CYRIB: variants seen among roughly 807,000 people sequenced by gnomAD.
The protein encoded by CYRIB is CYFIP-related Rac1 interactor B.
CYRIB carries 8 observed loss-of-function variants against 44.2 expected under a neutral mutation model. The ratio of observed to expected loss-of-function variants is 0.18; its 90% CI spans 0.11 to 0.33. The LOEUF is 0.33. Among genes scored for constraint, CYRIB ranks in the 10% least tolerant of loss-of-function variants. The pLI is 1.00. For missense variants in CYRIB, 185 were observed against 382.8 expected (o/e 0.48, Z 4.31); for synonymous variants, 131 against 127.2 (o/e 1.03, Z -0.20).
intron 1 of CYRIB, among the ~76,000 whole-genome samples, chr8:129,937,429 T>C (rs956210459): frequency 2.0e-5 from 3 of 152,246 alleles, no homozygotes; most frequent in Non-Finnish European, 4.4e-5. Flanking sequence ...TACTTCTCCA[T>C]CAATTGTTAT....
At chr8:129,878,715 C>T (rs2059952603) in intron 3 of CYRIB, among the ~76,000 whole-genome samples, 1 of 152,158 alleles carries the variant, frequency 6.6e-6, no homozygotes, top group South Asian at 2.1e-4. Flanking sequence ...ATGACACTTA[C>T]CTGCCACTCT....
intron 5 of CYRIB, among the ~76,000 whole-genome samples, chr8:129,858,887 G>A (rs551792510): frequency 6.6e-6 from 1 of 152,314 alleles, no homozygotes; most frequent in South Asian, 2.1e-4. Context: ...AGCAAGTACA[G>A]AACAAGCAAG....
At chr8:129,864,997 CT>C (rs1458355104) in intron 4 of CYRIB, 1 of 190,482 alleles carries the variant, frequency 5.2e-6, no homozygotes, top group Non-Finnish European at 1.1e-5. Flanking sequence ...TTCCACAAAA[CT>C]ATGTCTGGTT....
chr8:130,011,742 A>G (rs1307087063), intron 1 of CYRIB, among the ~76,000 whole-genome samples: 1 of 152,128 alleles, frequency 6.6e-6, no homozygotes, highest in African/African-American at 2.4e-5. Context: ...CTGAGGCAGA[A>G]GAATGGCATG....
intron 2 of CYRIB, among the ~76,000 whole-genome samples, chr8:129,961,275 G>C (rs2095247735): frequency 6.6e-6 from 1 of 152,086 alleles, no homozygotes; most frequent in South Asian, 2.1e-4. Flanking sequence ...TCATTCCATG[G>C]GTTCTGCTCT....
chr8:129,981,937 T>C (rs1196857205), intron 1 of CYRIB, among the ~76,000 whole-genome samples: 1 of 152,230 alleles, frequency 6.6e-6, no homozygotes, highest in African/African-American at 2.4e-5. Flanking sequence ...CCATCATCTA[T>C]TCATCTAGCT....
intron 2 of CYRIB, among the ~76,000 whole-genome samples, chr8:129,958,763 TAAAA>T (rs532997313): frequency 7.7e-6 from 1 of 130,020 alleles, no homozygotes; most frequent in African/African-American, 2.8e-5. Context: ...ACCACTGGTT[TAAAA>T]AAAAAAAAAA....
rs571127968 is a variant in CYRIB at position 129,887,451 on chromosome 8, AC to A, written c.-10-7981del. Among the ~76,000 whole-genome samples, 5 of 152,336 alleles carry A rather than the reference AC, an allele frequency of 3.3e-5. No homozygotes were observed. The South Asian group carries it at 8.3e-4, about 25-fold the overall frequency. ...GGCAGAGCCCTCATGGAGAACCTCT[AC>A]TAGGACAGTGCACTGGGGAAATGTA... On this transcript the variant is annotated intron_variant, in intron 2 of 11. Transcript: ENST00000519824.
At chr8:129,846,516 T>C (rs763872312) in intron 11 of CYRIB, among the ~76,000 whole-genome samples, 2 of 152,200 alleles carry the variant, frequency 1.3e-5, no homozygotes, top group Non-Finnish European at 2.9e-5. Context: ...ATACTTTTAT[T>C]ACAAAAACAA....
intron 1 of CYRIB, among the ~76,000 whole-genome samples, chr8:130,013,616 G>A (rs962129101): frequency 6.6e-6 from 1 of 152,196 alleles, no homozygotes; most frequent in African/African-American, 2.4e-5. Flanking sequence ...CACATGAATC[G>A]TGGTCTCTTC....
chr8:129,858,188 T>C (rs1192107299), intron 5 of CYRIB, among the ~76,000 whole-genome samples: 2 of 152,124 alleles, frequency 1.3e-5, no homozygotes, highest in African/African-American at 4.8e-5. Flanking sequence ...CCACAGAAAA[T>C]GTCCCAGAGG....
chr8:129,922,756 G>A (rs947526878), intron 1 of CYRIB, among the ~76,000 whole-genome samples: 2 of 151,864 alleles, frequency 1.3e-5, no homozygotes, highest in African/African-American at 4.8e-5. Flanking sequence ...CCAGCTACTC[G>A]GGAGGCTGAG....
At chr8:129,920,774 CT>C (rs2083146708) in intron 1 of CYRIB, among the ~76,000 whole-genome samples, 1 of 152,162 alleles carries the variant, frequency 6.6e-6, no homozygotes. Flanking sequence ...AGAAATTCCC[CT>C]ATCCCCTTTC....
chr8:129,946,491 G>C lies in CYRIB; in HGVS notation c.-243+24452C>G, dbSNP rs536333769. Among the ~76,000 whole-genome samples, 3 of 152,238 alleles carry C rather than the reference G, an allele frequency of 2.0e-5. No homozygotes were observed. In the East Asian group the frequency reaches 5.8e-4, roughly 29 times the overall value. On this transcript the variant is annotated intron_variant, in intron 2 of 14. Coordinates refer to the CYRIB transcript ENST00000401979. ...GATGAGGACTCCATGGATATTTAAC[G>C]AAGAAAGGGGAAGAGGACAGGGGAC...
At chr8:129,920,093 C>CAA (rs35451574) in intron 1 of CYRIB, among the ~76,000 whole-genome samples, 8 of 92,064 alleles carry the variant, frequency 8.7e-5, no homozygotes, top group African/African-American at 1.6e-4. Flanking sequence ...AAAACACTTT[C>CAA]AAAAAAAAAA....
chr8:129,887,467 G>A (rs895773787), intron 2 of CYRIB, among the ~76,000 whole-genome samples: 6 of 152,204 alleles, frequency 3.9e-5, no homozygotes, highest in Non-Finnish European at 7.3e-5. Context: ...ACAGTGCACT[G>A]GGGAAATGTA....
At chr8:129,970,333 G>A (rs1591440192) in intron 2 of CYRIB, among the ~76,000 whole-genome samples, 1 of 152,132 alleles carries the variant, frequency 6.6e-6, no homozygotes, top group South Asian at 2.1e-4. Context: ...CACAGACAGA[G>A]GGCACCCAGG....
At chr8:129,916,211 C>T (rs2080687738) in intron 1 of CYRIB, among the ~76,000 whole-genome samples, 1 of 152,106 alleles carries the variant, frequency 6.6e-6, no homozygotes, top group African/African-American at 2.4e-5. Flanking sequence ...TTCAATTTCT[C>T]CTAAATTCAT....
At chr8:130,011,876 G>A (rs575795977) in intron 1 of CYRIB, among the ~76,000 whole-genome samples, 1 of 151,604 alleles carries the variant, frequency 6.6e-6, no homozygotes, top group East Asian at 1.9e-4. Context: ...AAAAAAGAAC[G>A]CTGAGGCCTG....
Sources: allele counts gnomAD v4.1 joint callset (sites outside exome capture counted in the v4.1 genomes callset), GRCh38; gene constraint gnomAD v4.1.1; transcripts MANE v1.5; gene names NCBI Gene and HGNC (gene_info 2026-07-23, HGNC 2026-07-21).